The following PTPRN2 variants were observed in gnomAD, a reference collection of about 807,000 sequenced individuals.
PTPRN2 encodes receptor-type tyrosine-protein phosphatase N2.
Under a neutral mutation model 118.8 loss-of-function variants are expected in PTPRN2, and 74 were observed. The observed-to-expected ratio is 0.62, with a 90% CI of 0.52 to 0.76. The LOEUF (loss-of-function observed/expected upper bound fraction) is 0.76. PTPRN2 is among the 30% of genes least tolerant of loss of function. The pLI, the probability that PTPRN2 is intolerant of heterozygous loss-of-function variation, is 0.00. For missense variants in PTPRN2, 1,481 were observed against 1,394.4 expected, an observed-to-expected ratio of 1.06 and a Z score of -0.99; for synonymous variants, 641 against 608.0, an observed-to-expected ratio of 1.05 and a Z score of -0.80.
chr7:157,717,426 G>C (rs1798978689), intron 12 of PTPRN2, among the ~76,000 whole-genome samples: 2 of 152,250 alleles, frequency 1.3e-5, no homozygotes, highest in Admixed American at 1.3e-4. Context: ...GGTCACAGGT[G>C]GGCACCTGGG....
chr7:157,874,854 C>T lies in PTPRN2; in HGVS notation c.1788+23819G>A, dbSNP rs988557101. On this transcript the variant is annotated intron_variant, in intron 12 of 22. Transcript: ENST00000389418. This position sits in a 1 kb window ranked among gnomAD's most constrained non-coding sequence, Gnocchi z 5.8. ...AGACACACTCATGCACATATACACACGGAGACACACTCGTGCACATACACA... is the reference window on the plus strand; with the variant it reads ...AGACACACTCATGCACATATACACATGGAGACACACTCGTGCACATACACA... Among the ~76,000 whole-genome samples, 10 of 151,876 alleles carry T rather than the reference C, an allele frequency of 6.6e-5. No individual in the cohort carries two copies. The highest frequency in any genetic ancestry group is 2.4e-4 in the African/African-American group (10 of 41,324).
intron 12 of PTPRN2, chr7:157,864,740 CA>C (rs1357346450): frequency 6.6e-6 from 1 of 152,254 alleles, no homozygotes; most frequent in African/African-American, 2.4e-5. Context: ...CGTATTCCCT[CA>C]AACGCTCATA....
intron 11 of PTPRN2, among the ~76,000 whole-genome samples, chr7:157,996,965 G>A (rs970214998): frequency 7.2e-5 from 11 of 152,266 alleles, no homozygotes; most frequent in African/African-American, 2.2e-4. Flanking sequence ...AGCAGCTGTC[G>A]CCTGCTTGCC....
chr7:158,456,843 C>A (rs948603707), intron 2 of PTPRN2, among the ~76,000 whole-genome samples: 1 of 152,118 alleles, frequency 6.6e-6, no homozygotes, highest in Non-Finnish European at 1.5e-5. Flanking sequence ...GACACAATCA[C>A]GACTCACTGC....
chr7:158,415,593 T>C (rs897792251), intron 2 of PTPRN2, among the ~76,000 whole-genome samples: 1 of 152,150 alleles, frequency 6.6e-6, no homozygotes, highest in Non-Finnish European at 1.5e-5. Flanking sequence ...CATGGGCCCA[T>C]TCTACCAACA....
In PTPRN2 at chr7:157,633,243, C is replaced by A. The variant is rs565501387; in HGVS notation, c.2197-11734G>T. On this transcript the variant is annotated intron_variant, in intron 14 of 22. Coordinates refer to ENST00000389418, the MANE Select transcript of PTPRN2 (RefSeq NM_002847.5). ...GTAACCTCCACCTCCTGGGTTCAAG[C>A]AATCCTCCTGCCTCAGCCTCCCAAG... Among the ~76,000 whole-genome samples the A allele has an allele frequency of 1.1e-4, 17 of 151,924 alleles. No homozygotes were observed. In the South Asian group the frequency reaches 3.1e-3, roughly 28 times the overall value.
In PTPRN2 at chr7:157,618,844, G is replaced by C. The variant is rs1802968184; in HGVS notation, c.2344+2518C>G. On this transcript the variant is annotated intron_variant, in intron 15 of 22. Coordinates refer to ENST00000389418, the MANE Select transcript of PTPRN2 (RefSeq NM_002847.5). The surrounding 1 kb of genome is among the most constrained non-coding windows in gnomAD (Gnocchi z 4.2). ...TCCCTGGTGGCCTCTCAACCCTGAA[G>C]GGCAGTGCTGTGTCTTCACACCCTG... is the stretch of plus-strand genomic sequence containing the variant. 6.6e-6 allele frequency: 1 copy of C among 152,254 alleles called. No individual in the cohort carries two copies. The highest frequency in any genetic ancestry group is 2.4e-5 in the African/African-American group (1 of 41,438). 9.4% of individuals were successfully genotyped at this position (152,254 alleles called of 1,614,324 possible).
At chr7:158,343,618 G>C (rs12698215) in intron 2 of PTPRN2, among the ~76,000 whole-genome samples, 12,265 of 108,516 alleles carry the variant, frequency 0.11, 912 homozygotes, top group Middle Eastern at 0.21. Context: ...CACATGGGCT[G>C]TCGCGACTGC....
At chr7:158,533,575 C>G (rs2129448919) in intron 1 of PTPRN2, among the ~76,000 whole-genome samples, 1 of 152,290 alleles carries the variant, frequency 6.6e-6, no homozygotes, top group South Asian at 2.1e-4. Context: ...ACGAGGAGTC[C>G]CTATCCCAGG....
chr7:158,370,479 G>A lies in PTPRN2; in HGVS notation c.164-53547C>T, dbSNP rs368199539. Among the ~76,000 whole-genome samples the A allele has an allele frequency of 3.3e-4, 50 of 150,616 alleles. 2 individuals are homozygous for A. In the South Asian group the frequency reaches 7.4e-3, roughly 22 times the overall value. Reference sequence around the variant, plus strand: ...TAAATAAAGGCTGGGAGGGCTGGGCGCAGTGGCTCACGCCTGTAATCCCAG... The same window carrying A: ...TAAATAAAGGCTGGGAGGGCTGGGCACAGTGGCTCACGCCTGTAATCCCAG... On this transcript the variant is annotated intron_variant, in intron 2 of 22. Transcript: ENST00000389418.
intron 12 of PTPRN2, among the ~76,000 whole-genome samples, chr7:157,762,263 T>C (rs1802177750): frequency 6.6e-6 from 1 of 152,154 alleles, no homozygotes; most frequent in Non-Finnish European, 1.5e-5. Flanking sequence ...CAAAGGACTA[T>C]AAATCATGCT....
intron 12 of PTPRN2, among the ~76,000 whole-genome samples, chr7:157,748,490 G>GTGGGCTGTTGA (rs1801185656): frequency 6.7e-6 from 1 of 148,202 alleles, no homozygotes; most frequent in Non-Finnish European, 1.5e-5. Flanking sequence ...TCCCTGAGCT[G>GTGGGCTGTTGA]CGGAGTGTCT....
At chr7:158,194,119 G>A (rs533214686) in intron 4 of PTPRN2, among the ~76,000 whole-genome samples, 13 of 149,826 alleles carry the variant, frequency 8.7e-5, no homozygotes, top group South Asian at 6.2e-4. Context: ...GCACGCGCGC[G>A]CATGTGCGTG....
chr7:158,327,318 C>T (rs933051377), intron 2 of PTPRN2, among the ~76,000 whole-genome samples: 1 of 151,344 alleles, frequency 6.6e-6, no homozygotes, highest in East Asian at 2.0e-4. Flanking sequence ...CATACACATT[C>T]TCACATGCAC....
At position 158,333,020 on chromosome 7, in the gene PTPRN2, C is replaced by G. The variant is rs1291653879; in HGVS notation, c.164-16088G>C. ...CACACCCACACTCTCACCATAAGAG[C>G]TGAAACCTGCAGACGTCACTCACAC... On this transcript the variant is annotated intron_variant, in intron 2 of 22. Transcript: ENST00000389418. 1.8e-3 allele frequency among the ~76,000 whole-genome samples: 123 copies of G among 68,698 alleles called. 3 individuals are homozygous for G. The highest frequency in any genetic ancestry group is 2.0e-3 in the Non-Finnish European group (71 of 35,420). The allele number at this position is 68,698 out of a possible 152,430, so 45.1% of individuals were successfully genotyped here.
chr7:157,750,001 T>A (rs1298442159), intron 12 of PTPRN2, among the ~76,000 whole-genome samples: 1 of 151,978 alleles, frequency 6.6e-6, no homozygotes, highest in African/African-American at 2.4e-5. Context: ...CCTGTGTCCC[T>A]GAGCTGTAGA....
chr7:158,394,472 C>A lies in PTPRN2; in HGVS notation c.164-77540G>T, dbSNP rs1386138544. 2.0e-5 allele frequency among the ~76,000 whole-genome samples: 3 copies of A among 152,190 alleles called. No homozygotes were observed. In the South Asian group the frequency reaches 6.2e-4, roughly 32 times the overall value. On this transcript the variant is annotated intron_variant, in intron 2 of 22. Coordinates refer to ENST00000389418, the MANE Select transcript of PTPRN2 (RefSeq NM_002847.5). ...GATGCTGCTGCCTCACCAGGAGTGA[C>A]CCAGGTTGGCAGGTCGGGGATGAGC... is the stretch of plus-strand genomic sequence containing the variant.
intron 2 of PTPRN2, among the ~76,000 whole-genome samples, chr7:158,329,127 C>T (rs1040733568): frequency 2.6e-5 from 4 of 152,208 alleles, no homozygotes; most frequent in African/African-American, 4.8e-5. Flanking sequence ...GGGAGGCGCA[C>T]GACAGAAGCC....
chr7:157,712,404 C>T (rs117617416), intron 12 of PTPRN2, among the ~76,000 whole-genome samples: 3,856 of 152,222 alleles, frequency 0.025, 72 homozygotes, highest in Non-Finnish European at 0.04. Flanking sequence ...CAAGTGACCA[C>T]GAAGTCTCTG....
Sources: allele counts gnomAD v4.1 joint callset (sites outside exome capture counted in the v4.1 genomes callset), GRCh38; gene constraint gnomAD v4.1.1; non-coding constraint Gnocchi (gnomAD v3.1); transcripts MANE v1.5; gene names NCBI Gene and HGNC (gene_info 2026-07-23, HGNC 2026-07-21).